Variants in RBM25 observed in about 807,000 individuals in gnomAD.
RBM25 encodes RNA-binding protein 25.
A neutral mutation model predicts 120.7 loss-of-function variants in RBM25; 19 were observed. The ratio of observed to expected loss-of-function variants is 0.16; its 90% CI spans 0.11 to 0.23. The LOEUF (loss-of-function observed/expected upper bound fraction) is 0.23, where lower values mean the gene tolerates loss of function less well. RBM25 is among the 10% of genes least tolerant of loss of function. RBM25 has a pLI of 1.00. For missense variants in RBM25, 605 were observed against 1,041.5 expected (o/e 0.58, Z 5.77); for synonymous variants, 390 against 326.7 (o/e 1.19, Z -2.09).
chr14:73,110,668 A>T (rs1410252806), intron 14 of RBM25, among the ~76,000 whole-genome samples, 163 bp from the exon 15 acceptor site: 4 of 151,990 alleles, frequency 2.6e-5, no homozygotes, highest in African/African-American at 9.7e-5. Flanking sequence ...ACCTCAGATG[A>T]TCTGCCCACC....
Position 73,119,757 on chromosome 14 carries a change from A to G in RBM25, c.2484A>G (p.Arg828=). 1 of 1,611,590 alleles carries G rather than the reference A, an allele frequency of 6.2e-7. No individual in the cohort carries two copies. The highest frequency in any genetic ancestry group is 8.5e-7 in the Non-Finnish European group (1 of 1,179,462). Residue 828 remains arginine (R), a synonymous_variant, in exon 19 of 19, where the codon AGA becomes AGG. Transcript: ENST00000261973. The stretch of plus-strand genomic sequence containing the variant: ...AAGTTTTTATAGTCAAAATGTGGAG[A>G]TTATTGATATATGAAACAGAAGCCA... ...EAEVFIVKMW[R]LLIYETEAKK... is the part of the protein sequence containing the mutation.
intron 10 of RBM25, among the ~76,000 whole-genome samples, chr14:73,105,370 T>C (rs768943967): frequency 1.2e-4 from 19 of 152,328 alleles, no homozygotes; most frequent in South Asian, 4.1e-4. Context: ...CTGATACTTA[T>C]AAAAGTTCTA....
Position 73,071,674 on chromosome 14 carries a change from C to T in RBM25, c.33C>T (p.Pro11=), listed in dbSNP as rs775958482. 1.2e-6 allele frequency: 2 copies of T among 1,613,956 alleles called. No individual in the cohort carries two copies. The highest frequency in any genetic ancestry group is 1.7e-6 in the Non-Finnish European group (2 of 1,179,918). Residue 11 remains proline (P), a synonymous_variant, in exon 2 of 19, where the codon CCC becomes CCT. Coordinates refer to ENST00000261973, the MANE Select transcript of RBM25 (RefSeq NM_021239.3). Reference sequence around the variant, plus strand: ...TTCCACCTCATTTGAATCGCCCTCCCATGGGAATCCCAGCACTCCCACCAG... The same window carrying T: ...TTCCACCTCATTTGAATCGCCCTCCTATGGGAATCCCAGCACTCCCACCAG... MSFPPHLNRP[P]MGIPALPPGI...
At position 73,117,210 on chromosome 14, in the gene RBM25, C is replaced by CTTTTTTT. The variant is rs71112704; in HGVS notation, c.2440-2475_2440-2469dup. The stretch of plus-strand genomic sequence containing the variant: ...TTTCTTTTAATTTCTTTCTTCTTTT[C>CTTTTTTT]TTTTTTTTTTTTTTTTTTTTTTTTT... On this transcript the variant is annotated intron_variant, in intron 18 of 18. Transcript: ENST00000261973. 6.2e-3 allele frequency among the ~76,000 whole-genome samples: 308 copies of CTTTTTTT among 49,406 alleles called. 27 individuals carry two copies. The highest frequency in any genetic ancestry group is 8.4e-3 in the Non-Finnish European group (230 of 27,322). The allele number at this position is 49,406 out of a possible 152,430, so 32.4% of individuals were successfully genotyped here. A position where few individuals can be genotyped will look rare whatever the true frequency, so the allele number is the denominator to read the frequency against.
At chr14:73,059,891 G>A (rs1041303503) in intron 1 of RBM25, among the ~76,000 whole-genome samples, 2 of 152,020 alleles carry the variant, frequency 1.3e-5, no homozygotes, top group Admixed American at 6.6e-5. Context: ...TTGGGGTTGG[G>A]GATTGAGAAA....
At chr14:73,072,525 T>TC (rs1895320251) in intron 2 of RBM25, among the ~76,000 whole-genome samples, 1 of 152,174 alleles carries the variant, frequency 6.6e-6, no homozygotes, top group Admixed American at 6.6e-5. Context: ...CCCTGCTCCA[T>TC]CCCCCTGAAT....
intron 14 of RBM25, 98 bp from the exon 15 acceptor site, chr14:73,110,733 C>G: frequency 6.9e-7 from 1 of 1,444,164 alleles, no homozygotes; most frequent in South Asian, 1.5e-5. Flanking sequence ...CTGGCCTTTT[C>G]TCTTTTCATA....
At position 73,064,819 on chromosome 14, in the gene RBM25, T is replaced by C. The variant is rs923726995; in HGVS notation, c.-16+6114T>C. On this transcript the variant is annotated intron_variant, in intron 1 of 18. Transcript: ENST00000261973. ...GCTCCAAATAAAGGGGAATATGTTA[T>C]GGAAAAATTTGAAGTGAATGGAATG... Among the ~76,000 whole-genome samples the C allele has an allele frequency of 8.6e-5, 13 of 151,494 alleles. No homozygotes were observed. The South Asian group carries it at 1.7e-3, about 19-fold the overall frequency.
chr14:73,082,958 T>C (rs1895599603), intron 4 of RBM25, among the ~76,000 whole-genome samples: 1 of 151,178 alleles, frequency 6.6e-6, no homozygotes, highest in African/African-American at 2.4e-5. Flanking sequence ...TGCCTGCATG[T>C]AGTCCCAGCT....
chr14:73,113,368 G>A (rs138327686), intron 17 of RBM25, among the ~76,000 whole-genome samples: 17 of 151,802 alleles, frequency 1.1e-4, no homozygotes, highest in African/African-American at 3.6e-4. Flanking sequence ...ATTACAAGGC[G>A]TGAGCCATCA....
At chr14:73,117,611 C>T (rs1028122906) in intron 18 of RBM25, among the ~76,000 whole-genome samples, 1 of 152,134 alleles carries the variant, frequency 6.6e-6, no homozygotes, top group Non-Finnish European at 1.5e-5. Context: ...TCTTTTAATT[C>T]CCACTTAGTA....
intron 4 of RBM25, among the ~76,000 whole-genome samples, chr14:73,080,433 C>T (rs1483987089): frequency 6.6e-6 from 1 of 152,030 alleles, no homozygotes; most frequent in Admixed American, 6.6e-5. Context: ...CCATGTTAGC[C>T]AGGATGGTCT....
At chr14:73,069,767 A>T (rs1440414360) in intron 1 of RBM25, 1 of 142,208 alleles carries the variant, frequency 7.0e-6, no homozygotes, top group Non-Finnish European at 1.5e-5. Flanking sequence ...AAAAAAAAAA[A>T]AAAAAAAAAA....
At chr14:73,077,748 C>A (rs1895457104) in intron 4 of RBM25, among the ~76,000 whole-genome samples, 1 of 152,218 alleles carries the variant, frequency 6.6e-6, no homozygotes, top group Non-Finnish European at 1.5e-5. Context: ...GTGTACCACA[C>A]ACACTTTTTT....
intron 14 of RBM25, 42 bp downstream of exon 14, chr14:73,109,534 C>T (rs1425249835): frequency 2.6e-5 from 41 of 1,576,932 alleles, no homozygotes; most frequent in Non-Finnish European, 3.2e-5. Flanking sequence ...TGGCTCACGC[C>T]TGTAATCCCA....
At chr14:73,112,361 T>G in intron 17 of RBM25, 111 bp downstream of exon 17, 1 of 1,069,868 alleles carries the variant, frequency 9.3e-7, no homozygotes, top group Non-Finnish European at 1.3e-6. Context: ...TGGTTTAGGT[T>G]CAGTTAAGTG....
chr14:73,066,730 A>G (rs940290536), intron 1 of RBM25, among the ~76,000 whole-genome samples: 3 of 152,008 alleles, frequency 2.0e-5, no homozygotes, highest in African/African-American at 7.2e-5. Flanking sequence ...GTGTTTTCTG[A>G]AATTGAAGTT....
At chr14:73,090,797 C>T (rs1895797080) in intron 6 of RBM25, among the ~76,000 whole-genome samples, 1 of 152,154 alleles carries the variant, frequency 6.6e-6, no homozygotes, top group African/African-American at 2.4e-5. Flanking sequence ...GCATCTAGGA[C>T]AGTGTCTTGC....
intron 10 of RBM25, among the ~76,000 whole-genome samples, chr14:73,103,696 G>A (rs1321255078): frequency 6.6e-6 from 1 of 151,944 alleles, no homozygotes; most frequent in Non-Finnish European, 1.5e-5. Context: ...GGGATTACAG[G>A]TTCATACCAC....
Sources: allele counts gnomAD v4.1 joint callset (sites outside exome capture counted in the v4.1 genomes callset), GRCh38; gene constraint gnomAD v4.1.1; transcripts MANE v1.5; gene names NCBI Gene and HGNC (gene_info 2026-07-23, HGNC 2026-07-21).